SRP9: variants seen among roughly 807,000 people sequenced by gnomAD.
The protein encoded by SRP9 is signal recognition particle 9.
Under a neutral mutation model 11.7 loss-of-function variants are expected in SRP9, and 2 were observed. The ratio of observed to expected loss-of-function variants is 0.17; its 90% CI spans 0.07 to 0.54. The LOEUF (loss-of-function observed/expected upper bound fraction) is 0.54. Ranked by LOEUF, SRP9 falls within the 20% of genes least tolerant of loss-of-function variation. The pLI, the probability that SRP9 is intolerant of heterozygous loss-of-function variation, is 0.94. For missense variants in SRP9, 54 were observed against 108.1 expected (o/e 0.50, Z 2.22); for synonymous variants, 27 against 35.6 (o/e 0.76, Z 0.86).
chr1:225,785,237 A>ATT (rs34100490), intron 2 of SRP9, among the ~76,000 whole-genome samples: 2,755 of 129,612 alleles, frequency 0.021, 47 homozygotes, highest in Middle Eastern at 0.057. Context: ...CGCCCAACTA[A>ATT]TTTTTTTTTT....
intron 1 of SRP9, among the ~76,000 whole-genome samples, chr1:225,780,506 C>T (rs1006955911): frequency 1.3e-5 from 2 of 152,152 alleles, no homozygotes; most frequent in South Asian, 2.1e-4. Flanking sequence ...TTATATGTTA[C>T]AGGCATTTAA....
chr1:225,786,805 G>A (rs1665925230), intron 2 of SRP9: 5 of 1,254,954 alleles, frequency 4.0e-6, no homozygotes, highest in Non-Finnish European at 5.1e-6. Flanking sequence ...GGTAGATTGA[G>A]TACATGTATT....
intron 1 of SRP9, among the ~76,000 whole-genome samples, chr1:225,782,366 G>A (rs549925083): frequency 3.3e-4 from 50 of 151,870 alleles, no homozygotes; most frequent in Non-Finnish European, 6.8e-4. Flanking sequence ...GGGTTTCACC[G>A]TGTTAGCCAG....
intron 1 of SRP9, among the ~76,000 whole-genome samples, chr1:225,781,137 CAAAA>C (rs1201087816): frequency 1.3e-5 from 2 of 151,936 alleles, no homozygotes; most frequent in Non-Finnish European, 2.9e-5. Context: ...AAGGTTAAAA[CAAAA>C]AAAGCATTTC....
intron 2 of SRP9, among the ~76,000 whole-genome samples, chr1:225,788,448 ACT>A (rs1665959720): frequency 7.2e-6 from 1 of 138,658 alleles, no homozygotes; most frequent in Non-Finnish European, 1.5e-5. Flanking sequence ...ACGGAATCTC[ACT>A]CTGTCGCCCA....
Position 225,780,210 on chromosome 1 carries a change from C to T in SRP9, c.72+2198C>T, listed in dbSNP as rs531162809. Among the ~76,000 whole-genome samples the T allele has an allele frequency of 5.7e-4, 76 of 133,470 alleles. No homozygotes were observed. The East Asian group carries it at 0.015, about 26-fold the overall frequency. 87.6% of individuals were successfully genotyped at this position (133,470 alleles called of 152,430 possible). Reference sequence around the variant, plus strand: ...TTTTTTTTTTTTTTTTTTTTAAAGACGGGGCTCTTGCTTTGTTGCCCAGGT... The same window carrying T: ...TTTTTTTTTTTTTTTTTTTTAAAGATGGGGCTCTTGCTTTGTTGCCCAGGT... On this transcript the variant is annotated intron_variant, in intron 1 of 2. Coordinates refer to ENST00000304786, the MANE Select transcript of SRP9 (RefSeq NM_003133.6).
intron 2 of SRP9, among the ~76,000 whole-genome samples, chr1:225,785,029 C>G (rs1269558558): frequency 6.6e-6 from 1 of 151,982 alleles, no homozygotes; most frequent in African/African-American, 2.4e-5. Context: ...TCCCACTCAG[C>G]CTCCCAAGTT....
intron 2 of SRP9, chr1:225,786,845 C>CTTTTT: frequency 8.8e-7 from 1 of 1,132,354 alleles, no homozygotes; most frequent in Admixed American, 2.8e-5. Context: ...TGGTTGATTG[C>CTTTTT]TTTTTTTTTT....
chr1:225,788,985 A>G, intron 2 of SRP9: 1 of 1,545,894 alleles, frequency 6.5e-7, no homozygotes, highest in South Asian at 1.2e-5. Context: ...TTAACATTTA[A>G]CATTTTTCAG....
intron 1 of SRP9, among the ~76,000 whole-genome samples, chr1:225,778,361 C>A (rs1665726590): frequency 6.6e-6 from 1 of 152,204 alleles, no homozygotes; most frequent in Admixed American, 6.5e-5. Flanking sequence ...GTTCACTTTT[C>A]CTGTACCGCC....
At chr1:225,779,842 T>A (rs1343112481) in intron 1 of SRP9, among the ~76,000 whole-genome samples, 2 of 152,204 alleles carry the variant, frequency 1.3e-5, no homozygotes, top group African/African-American at 4.8e-5. Flanking sequence ...CACACAGGAC[T>A]TTTATCCAGA....
In SRP9 at chr1:225,777,836, T is replaced by C. The variant is rs1665710608; in HGVS notation, c.-105T>C. The C allele has an allele frequency of 3.5e-6, 4 of 1,138,302 alleles. No individual in the cohort carries two copies. Among genetic ancestry groups the C allele is most frequent in the Non-Finnish European group, 5.2e-6 (4 of 774,238 alleles). 70.5% of individuals were successfully genotyped at this position (1,138,302 alleles called of 1,614,324 possible). A position where few individuals can be genotyped will look rare whatever the true frequency, so the allele number is the denominator to read the frequency against. On this transcript the variant is annotated 5_prime_UTR_variant, in exon 1 of 3. Coordinates refer to ENST00000304786, the MANE Select transcript of SRP9 (RefSeq NM_003133.6). ...TTGGTGCGAGGAGGCGCCGCCATCT[T>C]GGGGCTGCTGGGACTCGCGTCGGTT...
At chr1:225,785,216 G>T (rs188250871) in intron 2 of SRP9, among the ~76,000 whole-genome samples, 1 of 150,092 alleles carries the variant, frequency 6.7e-6, no homozygotes, top group African/African-American at 2.4e-5. Context: ...GACTACAGCC[G>T]TGCACCACCA....
At chr1:225,782,176 T>G in intron 1 of SRP9, among the ~76,000 whole-genome samples, 1 of 151,926 alleles carries the variant, frequency 6.6e-6, no homozygotes, top group Non-Finnish European at 1.5e-5. Context: ...ATTTATTTAT[T>G]TTTTTTGAAA....
intron 1 of SRP9, among the ~76,000 whole-genome samples, chr1:225,781,807 G>A (rs1017285147): frequency 4.0e-5 from 6 of 151,866 alleles, no homozygotes; most frequent in African/African-American, 4.8e-5. Flanking sequence ...TAAGTGTTTC[G>A]TTTCTAGAGA....
chr1:225,786,220 A>G (rs1352724710), intron 2 of SRP9, among the ~76,000 whole-genome samples: 1 of 152,164 alleles, frequency 6.6e-6, no homozygotes, highest in African/African-American at 2.4e-5. Context: ...TTCAAAACCC[A>G]ACTTGAGGAT....
intron 2 of SRP9, among the ~76,000 whole-genome samples, chr1:225,784,339 C>T (rs1430496937): frequency 2.3e-4 from 32 of 138,628 alleles, no homozygotes; most frequent in South Asian, 1.4e-3. Context: ...CTCTGCCTCC[C>T]GGGTTCATGC....
chr1:225,780,336 A>G lies in SRP9; in HGVS notation c.72+2324A>G, dbSNP rs114830428. Among the ~76,000 whole-genome samples the G allele has an allele frequency of 8.9e-3, 1,358 of 151,742 alleles. 30 individuals are homozygous for G. Among genetic ancestry groups the G allele is most frequent in the African/African-American group, 0.029 (1,189 of 41,356 alleles). The stretch of plus-strand genomic sequence containing the variant: ...GGCGCCTGGCTTGACTGATATGTTG[A>G]GAGGGGAGAGGATGAGTGTAGAGGA... On this transcript the variant is annotated intron_variant, in intron 1 of 2. Transcript: ENST00000304786.
intron 1 of SRP9, among the ~76,000 whole-genome samples, chr1:225,779,437 C>T (rs1665752439): frequency 6.6e-6 from 1 of 152,194 alleles, no homozygotes; most frequent in Non-Finnish European, 1.5e-5. Context: ...AGCCACTGCG[C>T]CCAGCCCAGG....
Sources: gnomAD v4.1 joint callset for allele counts (sites outside exome capture counted in the v4.1 genomes callset) on GRCh38, gnomAD v4.1.1 for gene constraint, MANE v1.5 for transcripts, NCBI Gene and HGNC (gene_info 2026-07-23, HGNC 2026-07-21) for gene names.